The following KCNMA1 variants were observed in gnomAD, a reference collection of about 807,000 sequenced individuals.
KCNMA1 encodes Calcium-activated potassium channel subunit alpha-1.
KCNMA1 carries 29 observed loss-of-function variants against 140.0 expected under a neutral mutation model. The observed-to-expected ratio is 0.21, with a 90% CI of 0.15 to 0.28. KCNMA1 has a LOEUF of 0.28. KCNMA1 is among the 10% of genes least tolerant of loss of function. The pLI, the probability that KCNMA1 is intolerant of heterozygous loss-of-function variation, is 1.00. For missense variants in KCNMA1, 880 were observed against 1,602.2 expected (o/e 0.55, Z 7.70); for synonymous variants, 612 against 611.9 (o/e 1.00, Z 0.00).
intron 23 of KCNMA1, chr10:76,939,704 A>C (rs1183415693): frequency 6.6e-6 from 1 of 152,228 alleles, no homozygotes; most frequent in Non-Finnish European, 1.5e-5. Flanking sequence ...AAGGGTAAGC[A>C]GGAAGCAACT....
At chr10:77,053,915 G>A (rs2153640223) in intron 14 of KCNMA1, among the ~76,000 whole-genome samples, 1 of 152,222 alleles carries the variant, frequency 6.6e-6, no homozygotes, top group African/African-American at 2.4e-5. Context: ...AGGTTCAGTA[G>A]CCTTCCCCAG....
rs117306973 is a variant in KCNMA1 at position 77,073,364 on chromosome 10, C to A, written c.1594-112G>T. On this transcript the variant is annotated intron_variant, in intron 13 of 27. Coordinates refer to ENST00000286628, the MANE Select transcript of KCNMA1 (RefSeq NM_001161352.2). Reference sequence around the variant, plus strand: ...ACCACTCAGGGCCATCCAGTCTTGCCCTTCTTTTCCCTTGCTGCGGTCTGA... The same window carrying A: ...ACCACTCAGGGCCATCCAGTCTTGCACTTCTTTTCCCTTGCTGCGGTCTGA... The A allele has an allele frequency of 1.3e-3, 1,335 of 1,029,846 alleles. 3 individuals are homozygous for A. The highest frequency in any genetic ancestry group is 1.5e-3 in the Non-Finnish European group (1,032 of 670,700). 63.8% of individuals were successfully genotyped at this position (1,029,846 alleles called of 1,614,324 possible).
intron 3 of KCNMA1, among the ~76,000 whole-genome samples, chr10:77,207,787 C>T (rs543781313): frequency 2.6e-5 from 4 of 152,302 alleles, no homozygotes; most frequent in Admixed American, 6.5e-5. Context: ...GCCAAAATTG[C>T]GTGCATACCA....
chr10:76,957,915 A>G (rs1199960556), intron 20 of KCNMA1, among the ~76,000 whole-genome samples: 7 of 152,210 alleles, frequency 4.6e-5, no homozygotes, highest in Non-Finnish European at 8.8e-5. Flanking sequence ...GCCAGACAGT[A>G]TAAATTTCTT....
chr10:77,571,532 A>G (rs61171835), intron 1 of KCNMA1, among the ~76,000 whole-genome samples: 6,863 of 152,280 alleles, frequency 0.045, 529 homozygotes, highest in African/African-American at 0.16. Context: ...ATCCTTTGGC[A>G]AGCCAAAGCC....
At chr10:77,269,414 C>T (rs917422745) in intron 2 of KCNMA1, among the ~76,000 whole-genome samples, 2 of 152,150 alleles carry the variant, frequency 1.3e-5, no homozygotes, top group African/African-American at 4.8e-5. Context: ...GCACCCTGCA[C>T]CCCCATCTGC....
chr10:77,094,355 G>A (rs1490652455), intron 9 of KCNMA1, among the ~76,000 whole-genome samples: 1 of 152,136 alleles, frequency 6.6e-6, no homozygotes, highest in Non-Finnish European at 1.5e-5. Flanking sequence ...GTGGTGGAAA[G>A]GAAAGAGGCT....
At chr10:77,161,956 T>C (rs1261727331) in intron 5 of KCNMA1, among the ~76,000 whole-genome samples, 2 of 152,262 alleles carry the variant, frequency 1.3e-5, no homozygotes, top group African/African-American at 2.4e-5. Context: ...AGTGCTATGA[T>C]CCATATGTAT....
chr10:77,369,965 G>A (rs1267594666), intron 2 of KCNMA1, among the ~76,000 whole-genome samples: 2 of 152,144 alleles, frequency 1.3e-5, no homozygotes, highest in Admixed American at 1.3e-4. Flanking sequence ...AAATGCAATC[G>A]AAGGTTTTCT....
intron 23 of KCNMA1, 123 bp downstream of exon 23, chr10:76,944,649 AC>A: frequency 3.5e-6 from 3 of 846,746 alleles, no homozygotes; most frequent in Non-Finnish European, 3.9e-6. Context: ...CATCATGGTG[AC>A]CGCAGGTTTC....
intron 6 of KCNMA1, among the ~76,000 whole-genome samples, chr10:77,117,539 CAAAAAAAAAAAAAAAAA>C (rs56926398): frequency 8.9e-5 from 2 of 22,516 alleles, no homozygotes; most frequent in South Asian, 3.3e-3. Flanking sequence ...GAGTCTATCT[CAAAAAAAAAAAAAAAAA>C]AAAAAAAAAG....
chr10:76,979,144 C>A (rs2078619236), intron 19 of KCNMA1, among the ~76,000 whole-genome samples: 1 of 152,188 alleles, frequency 6.6e-6, no homozygotes, highest in Non-Finnish European at 1.5e-5. Context: ...CAAGGCAAAT[C>A]TAACACAAGA....
chr10:77,145,758 A>G (rs548876663), intron 5 of KCNMA1, among the ~76,000 whole-genome samples: 1 of 152,232 alleles, frequency 6.6e-6, no homozygotes, highest in Admixed American at 6.5e-5. Context: ...GTAATAGTAC[A>G]TTTATTCAAC....
Position 76,961,845 on chromosome 10 carries a change from G to A in KCNMA1, c.2361-7921C>T, listed in dbSNP as rs73282599. Among the ~76,000 whole-genome samples the A allele has an allele frequency of 4.1e-3, 618 of 152,340 alleles. 5 individuals carry two copies. The highest frequency in any genetic ancestry group is 0.014 in the African/African-American group (595 of 41,578). On this transcript the variant is annotated intron_variant, in intron 20 of 27. Transcript: ENST00000286628. ...TGTACACACTTAATAGACTACAGAA[G>A]AGTGTAAACCTAACTTTTATATGCA... is the stretch of plus-strand genomic sequence containing the variant.
At chr10:77,012,067 T>C (rs1395142710) in intron 17 of KCNMA1, 24 bp from the exon 18 acceptor site, 2 of 1,613,096 alleles carry the variant, frequency 1.2e-6, no homozygotes, top group Non-Finnish European at 1.7e-6. Context: ...ATGGAAAAAC[T>C]GACACGTTTC....
chr10:77,599,238 C>T lies in KCNMA1; in HGVS notation c.378+38027G>A, dbSNP rs1226888621. ...CCGCCCCACACGGAGCCTTGGTTTC[C>T]TCTATTGTGTTTTCCAATTATTTGC... is the stretch of plus-strand genomic sequence containing the variant. On this transcript the variant is annotated intron_variant, in intron 1 of 27. Coordinates refer to ENST00000286628, the MANE Select transcript of KCNMA1 (RefSeq NM_001161352.2). Among the ~76,000 whole-genome samples the T allele has an allele frequency of 2.0e-5, 3 of 152,322 alleles. No individual in the cohort carries two copies. In the East Asian group the frequency reaches 5.8e-4, roughly 29 times the overall value.
chr10:77,146,953 G>T (rs1192345473), intron 5 of KCNMA1, among the ~76,000 whole-genome samples: 3 of 152,124 alleles, frequency 2.0e-5, no homozygotes, highest in African/African-American at 4.8e-5. Context: ...TTATCCCTCA[G>T]TTAGAAAGAA....
At chr10:77,221,372 G>A (rs58652343) in intron 3 of KCNMA1, among the ~76,000 whole-genome samples, 2,983 of 152,128 alleles carry the variant, frequency 0.02, 99 homozygotes, top group African/African-American at 0.068. Context: ...CCATAGATGC[G>A]CTTCAGGGAC....
At chr10:77,483,109 A>G (rs2098420514) in intron 1 of KCNMA1, among the ~76,000 whole-genome samples, 1 of 152,156 alleles carries the variant, frequency 6.6e-6, no homozygotes, top group South Asian at 2.1e-4. Flanking sequence ...TACCCAGTCA[A>G]CATCCAACCA....
Sources: allele counts gnomAD v4.1 joint callset (sites outside exome capture counted in the v4.1 genomes callset), GRCh38; gene constraint gnomAD v4.1.1; transcripts MANE v1.5; gene names NCBI Gene and HGNC (gene_info 2026-07-23, HGNC 2026-07-21).